HS3ST4: variants seen among roughly 807,000 people sequenced by gnomAD.
The protein encoded by HS3ST4 is heparan sulfate-glucosamine 3-sulfotransferase 4, also known as heparan sulfate glucosamine 3-O-sulfotransferase 4.
In HS3ST4, 17 loss-of-function variants were observed where a neutral mutation model predicts 29.2. That is an observed-to-expected ratio of 0.58 (90% CI 0.40 to 0.87). The LOEUF is 0.87. Among genes scored for constraint, HS3ST4 ranks in the 40% least tolerant of loss-of-function variants. The probability of loss-of-function intolerance (pLI) is 0.00; values close to 1 mark genes in which losing one functional copy is unlikely to be tolerated. For synonymous variants in HS3ST4, 314 were observed against 285.7 expected (o/e 1.10, Z -1.00); for missense variants, 627 against 634.5 (o/e 0.99, Z 0.13).
intron 1 of HS3ST4, among the ~76,000 whole-genome samples, chr16:25,832,769 T>C (rs2141640459): frequency 6.6e-6 from 1 of 152,366 alleles, no homozygotes; most frequent in African/African-American, 2.4e-5. Flanking sequence ...AGGATATTAA[T>C]ATCTTTCCTT....
At chr16:26,119,274 C>G (rs1374384336) in intron 1 of HS3ST4, among the ~76,000 whole-genome samples, 1 of 152,110 alleles carries the variant, frequency 6.6e-6, no homozygotes, top group Non-Finnish European at 1.5e-5. Context: ...TTTAGAGGAA[C>G]AAGACAGGGA....
chr16:25,898,213 C>G (rs987480608), intron 1 of HS3ST4, among the ~76,000 whole-genome samples: 1 of 152,228 alleles, frequency 6.6e-6, no homozygotes, highest in African/African-American at 2.4e-5. Context: ...TGTCCAATCT[C>G]TCACCCTCAA....
rs973324804 is a variant in HS3ST4 at position 25,887,677 on chromosome 16, G to C, written c.734+194526G>C. Among the ~76,000 whole-genome samples, 163 of 148,852 alleles carry C rather than the reference G, an allele frequency of 1.1e-3. 1 individual carries two copies. The highest frequency in any genetic ancestry group is 3.9e-3 in the African/African-American group (159 of 40,254). ...TGGCTATGGGTGGAGCATCCCTAGC[G>C]CCCGCTACACCTGATTTTTTTTTTT... On this transcript the variant is annotated intron_variant, in intron 1 of 1. Coordinates refer to ENST00000331351, the MANE Select transcript of HS3ST4 (RefSeq NM_006040.3).
intron 1 of HS3ST4, among the ~76,000 whole-genome samples, chr16:25,931,691 A>C (rs561271230): frequency 1.3e-5 from 2 of 152,242 alleles, no homozygotes; most frequent in Non-Finnish European, 2.9e-5. Flanking sequence ...AGGTCTATGC[A>C]GATAGATTCT....
chr16:25,926,157 A>T (rs1968400898), intron 1 of HS3ST4, among the ~76,000 whole-genome samples: 1 of 152,178 alleles, frequency 6.6e-6, no homozygotes, highest in Admixed American at 6.5e-5. Context: ...CCATCACTAC[A>T]ATCCAACTTA....
rs141341737 is a variant in HS3ST4 at position 25,954,877 on chromosome 16, A to G, written c.735-180735A>G. 3.9e-4 allele frequency among the ~76,000 whole-genome samples: 60 copies of G among 152,352 alleles called. 1 individual carries two copies. The highest frequency in any genetic ancestry group is 3.4e-3 in the Middle Eastern group (1 of 294). On this transcript the variant is annotated intron_variant, in intron 1 of 1. Coordinates refer to ENST00000331351, the MANE Select transcript of HS3ST4 (RefSeq NM_006040.3). Reference sequence around the variant, plus strand: ...AGAGATTCTCAACCTGTCTAATGCCAGAGAGCCTGAGTCTTGGCAAAGACA... The same window carrying G: ...AGAGATTCTCAACCTGTCTAATGCCGGAGAGCCTGAGTCTTGGCAAAGACA...
At chr16:26,059,400 G>A (rs567798874) in intron 1 of HS3ST4, among the ~76,000 whole-genome samples, 18 of 152,186 alleles carry the variant, frequency 1.2e-4, no homozygotes, top group Non-Finnish European at 1.8e-4. Context: ...AGCCAGAAAA[G>A]GCAAAACCAT....
intron 1 of HS3ST4, among the ~76,000 whole-genome samples, chr16:25,980,528 G>T (rs1484381484): frequency 6.6e-6 from 1 of 152,086 alleles, no homozygotes; most frequent in African/African-American, 2.4e-5. Flanking sequence ...CCATATGCTT[G>T]GCATGGTCAC....
chr16:25,767,455 T>G (rs1488879555), intron 1 of HS3ST4, among the ~76,000 whole-genome samples: 1 of 152,060 alleles, frequency 6.6e-6, no homozygotes, highest in Admixed American at 6.5e-5. Context: ...CCATCCAGTT[T>G]CCATGGGAGG....
At chr16:26,101,288 C>G (rs1017901134) in intron 1 of HS3ST4, among the ~76,000 whole-genome samples, 2 of 152,238 alleles carry the variant, frequency 1.3e-5, no homozygotes, top group African/African-American at 4.8e-5. Flanking sequence ...GGTTAGCTTG[C>G]TCTTCCTGCA....
intron 1 of HS3ST4, among the ~76,000 whole-genome samples, chr16:26,113,311 C>T (rs1166294161): frequency 5.3e-5 from 8 of 151,472 alleles, no homozygotes; most frequent in Non-Finnish European, 1.0e-4. Flanking sequence ...CTGGGTGTAG[C>T]GGCGGGCACC....
rs149183408 is a variant in HS3ST4, at chr16:25,898,523, A to G, written c.734+205372A>G. Among the ~76,000 whole-genome samples the G allele has an allele frequency of 7.2e-5, 11 of 152,348 alleles. No individual in the cohort carries two copies. The East Asian group carries it at 1.5e-3, about 21-fold the overall frequency. On this transcript the variant is annotated intron_variant, in intron 1 of 1. Coordinates refer to ENST00000331351, the MANE Select transcript of HS3ST4 (RefSeq NM_006040.3). ...ATCTTCATGACTGCTGTCATATAGT[A>G]TACCACGTATGCCATATGTATGCAA...
chr16:26,098,854 G>A (rs563356662), intron 1 of HS3ST4, among the ~76,000 whole-genome samples: 2 of 152,218 alleles, frequency 1.3e-5, no homozygotes, highest in South Asian at 4.1e-4. Context: ...AAGGGAGGGT[G>A]TTGGTATACC....
intron 1 of HS3ST4, among the ~76,000 whole-genome samples, chr16:26,118,485 G>C (rs1396934706): frequency 6.6e-6 from 1 of 152,164 alleles, no homozygotes; most frequent in African/African-American, 2.4e-5. Flanking sequence ...GATGAAAATA[G>C]CCTATATCTG....
rs557040930 is a variant in HS3ST4, at chr16:26,067,237, G to A, written c.735-68375G>A. Among the ~76,000 whole-genome samples, 260 of 152,174 alleles carry A rather than the reference G, an allele frequency of 1.7e-3. 1 individual carries two copies. Among genetic ancestry groups the A allele is most frequent in the African/African-American group, 6.0e-3 (248 of 41,520 alleles). ...ATATTATTTTCAGACAAAGTCTCCC[G>A]CTCTTAGTCCAACAAAATAGCTGCT... is the stretch of plus-strand genomic sequence containing the variant. On this transcript the variant is annotated intron_variant, in intron 1 of 1. Transcript: ENST00000331351.
chr16:26,127,540 C>T (rs1308743388), intron 1 of HS3ST4, among the ~76,000 whole-genome samples: 4 of 152,224 alleles, frequency 2.6e-5, no homozygotes, highest in Non-Finnish European at 5.9e-5. Context: ...GAAATCACTG[C>T]TCTGTCTCCT....
At chr16:25,930,392 T>G (rs8056908) in intron 1 of HS3ST4, among the ~76,000 whole-genome samples, 4 of 152,224 alleles carry the variant, frequency 2.6e-5, no homozygotes, top group Admixed American at 2.0e-4. Flanking sequence ...AAATTCAATC[T>G]CAAAACCCAT....
chr16:26,126,009 A>G (rs1340729879), intron 1 of HS3ST4, among the ~76,000 whole-genome samples: 1 of 152,230 alleles, frequency 6.6e-6, no homozygotes, highest in East Asian at 1.9e-4. Flanking sequence ...AAAGATTCTT[A>G]TGTTCTAACT....
At chr16:26,115,879 G>A (rs985515921) in intron 1 of HS3ST4, among the ~76,000 whole-genome samples, 2 of 152,180 alleles carry the variant, frequency 1.3e-5, no homozygotes, top group Admixed American at 1.3e-4. Flanking sequence ...ATGCTACTCC[G>A]ATTCCAGCAT....
Sources: gnomAD v4.1 joint callset for allele counts (sites outside exome capture counted in the v4.1 genomes callset) on GRCh38, gnomAD v4.1.1 for gene constraint, MANE v1.5 for transcripts, NCBI Gene and HGNC (gene_info 2026-07-23, HGNC 2026-07-21) for gene names.